Variants in TTC28 observed in about 807,000 individuals in gnomAD.
The protein encoded by TTC28 is tetratricopeptide repeat domain 28.
In TTC28, 61 loss-of-function variants were observed where a neutral mutation model predicts 198.0. The observed-to-expected ratio is 0.31, with a 90% CI of 0.25 to 0.38. The LOEUF (loss-of-function observed/expected upper bound fraction) is 0.38. Ranked by LOEUF, TTC28 falls within the 10% of genes least tolerant of loss-of-function variation. The probability of loss-of-function intolerance (pLI) is 1.00; values close to 1 mark genes in which losing one functional copy is unlikely to be tolerated. For missense variants in TTC28, 2,678 were observed against 3,164.0 expected (o/e 0.85, Z 3.69); for synonymous variants, 1,171 against 1,297.8 (o/e 0.90, Z 2.10).
chr22:28,342,039 T>C (rs1486005465), intron 2 of TTC28, among the ~76,000 whole-genome samples: 1 of 152,152 alleles, frequency 6.6e-6, no homozygotes, highest in Non-Finnish European at 1.5e-5. Context: ...AATTTTGCTA[T>C]TTATTTGTAC....
intron 2 of TTC28, among the ~76,000 whole-genome samples, chr22:28,533,841 A>G (rs2049201364): frequency 6.6e-6 from 1 of 152,246 alleles, no homozygotes; most frequent in African/African-American, 2.4e-5. Context: ...TGGTGCTGGG[A>G]AAACGGACTA....
intron 2 of TTC28, among the ~76,000 whole-genome samples, chr22:28,336,577 G>C (rs1375182984): frequency 6.6e-6 from 1 of 152,054 alleles, no homozygotes; most frequent in Non-Finnish European, 1.5e-5. Context: ...GAGGGTGTAT[G>C]TATCGAGGAA....
At chr22:28,241,115 C>T (rs1233126844) in intron 5 of TTC28, among the ~76,000 whole-genome samples, 1 of 152,132 alleles carries the variant, frequency 6.6e-6, no homozygotes, top group African/African-American at 2.4e-5. Context: ...GCAGACCCCA[C>T]CTGAACCACA....
chr22:28,033,152 G>T (rs1216337896), intron 12 of TTC28, among the ~76,000 whole-genome samples: 1 of 152,168 alleles, frequency 6.6e-6, no homozygotes, highest in African/African-American at 2.4e-5. Flanking sequence ...TTGCAGTTCT[G>T]TTCTTACTGT....
intron 2 of TTC28, among the ~76,000 whole-genome samples, chr22:28,399,431 C>T (rs2046869699): frequency 2.0e-5 from 3 of 151,608 alleles, no homozygotes; most frequent in Non-Finnish European, 2.9e-5. Context: ...ATCCTCCCTC[C>T]CATCTCAGCC....
intron 2 of TTC28, among the ~76,000 whole-genome samples, chr22:28,480,506 C>G (rs886418432): frequency 1.6e-4 from 24 of 152,148 alleles, no homozygotes; most frequent in African/African-American, 5.5e-4. Context: ...GCCTTTCGTT[C>G]TAATTCTGTC....
rs1310927905 is a variant in TTC28, at chr22:28,389,240, T to G, written c.382-82597A>C. Among the ~76,000 whole-genome samples, 4 of 152,340 alleles carry G rather than the reference T, an allele frequency of 2.6e-5. No homozygotes were observed. The South Asian group carries it at 8.3e-4, about 32-fold the overall frequency. On this transcript the variant is annotated intron_variant, in intron 2 of 22. Transcript: ENST00000397906. ...TTTTTGATGTGCTGCTGGATTCGGT[T>G]TGCCAGTATTTTATTGAGGATTTTT... is the stretch of plus-strand genomic sequence containing the variant.
intron 2 of TTC28, among the ~76,000 whole-genome samples, chr22:28,567,524 A>G (rs1283879770): frequency 2.1e-5 from 2 of 94,188 alleles, no homozygotes; most frequent in East Asian, 7.1e-4. Flanking sequence ...TTACCTATTA[A>G]TGATTAGGAT....
At chr22:28,270,541 C>T (rs973864115) in intron 5 of TTC28, among the ~76,000 whole-genome samples, 2 of 151,734 alleles carry the variant, frequency 1.3e-5, no homozygotes, top group Non-Finnish European at 2.9e-5. Flanking sequence ...AAAAAAAAAA[C>T]CCACAAACTT....
chr22:28,136,841 C>T (rs1943210799), intron 6 of TTC28, among the ~76,000 whole-genome samples: 1 of 152,206 alleles, frequency 6.6e-6, no homozygotes, highest in Non-Finnish European at 1.5e-5. Flanking sequence ...TGCACACATG[C>T]TTTCCATGGC....
chr22:28,306,449 G>T (rs926642097), intron 3 of TTC28, 47 bp downstream of exon 3: 4 of 1,521,028 alleles, frequency 2.6e-6, no homozygotes, highest in South Asian at 1.3e-5. Context: ...GGCTAGAAAT[G>T]ATCTTCTTTA....
chr22:28,056,387 T>C (rs764520999), intron 12 of TTC28: 5 of 152,256 alleles, frequency 3.3e-5, no homozygotes, highest in Non-Finnish European at 7.3e-5. Context: ...CCACAGCTCC[T>C]GGGCTCAAGT....
chr22:28,154,008 CAGAG>C (rs149221703), intron 6 of TTC28, among the ~76,000 whole-genome samples: 4 of 150,378 alleles, frequency 2.7e-5, no homozygotes, highest in South Asian at 2.1e-4. Flanking sequence ...TCACCTTCAT[CAGAG>C]AGAGAGAGAG....
intron 21 of TTC28, among the ~76,000 whole-genome samples, chr22:27,989,384 A>G (rs772741556): frequency 2.0e-5 from 3 of 152,104 alleles, no homozygotes; most frequent in South Asian, 4.1e-4. Context: ...ATAACACTTG[A>G]CCTCCAATAA....
chr22:28,573,424 A>G (rs2146033154), intron 2 of TTC28, among the ~76,000 whole-genome samples: 1 of 152,174 alleles, frequency 6.6e-6, no homozygotes, highest in East Asian at 1.9e-4. Context: ...ACTGCACTCC[A>G]GCCTGGCGAC....
At chr22:28,545,774 A>C (rs1175551315) in intron 2 of TTC28, among the ~76,000 whole-genome samples, 2 of 152,150 alleles carry the variant, frequency 1.3e-5, no homozygotes, top group African/African-American at 2.4e-5. Flanking sequence ...ATCTAACGTA[A>C]TACATGCAAG....
intron 6 of TTC28, among the ~76,000 whole-genome samples, chr22:28,149,430 A>G (rs1320808939): frequency 6.6e-6 from 1 of 152,248 alleles, no homozygotes; most frequent in Non-Finnish European, 1.5e-5. Context: ...TTTTCAAAAC[A>G]AAAAATTCTG....
intron 5 of TTC28, among the ~76,000 whole-genome samples, chr22:28,257,637 G>A (rs1263966872): frequency 1.3e-5 from 2 of 149,612 alleles, no homozygotes; most frequent in African/African-American, 4.9e-5. Context: ...GAGGATGAAT[G>A]GGGGAAAAAA....
intron 5 of TTC28, among the ~76,000 whole-genome samples, chr22:28,275,789 C>T (rs1053075113): frequency 2.0e-5 from 3 of 151,562 alleles, no homozygotes; most frequent in African/African-American, 7.3e-5. Flanking sequence ...CTAACTATGC[C>T]GCCTACCCCT....
Sources: allele counts gnomAD v4.1 joint callset (sites outside exome capture counted in the v4.1 genomes callset), GRCh38; gene constraint gnomAD v4.1.1; transcripts MANE v1.5; gene names NCBI Gene and HGNC (gene_info 2026-07-23, HGNC 2026-07-21).